The following SMIM13 variants were observed in gnomAD, a reference collection of about 807,000 sequenced individuals.
The protein encoded by SMIM13 is UPF0766 protein C6orf228.
A neutral mutation model predicts 5.9 loss-of-function variants in SMIM13; 3 were observed. That is an observed-to-expected ratio of 0.51 (90% CI 0.23 to 1.31). SMIM13 has a LOEUF of 1.31. SMIM13 is among the 40% of genes most tolerant of loss of function. The pLI, the probability that SMIM13 is intolerant of heterozygous loss-of-function variation, is 0.18. For missense variants in SMIM13, 85 were observed against 109.9 expected (o/e 0.77, Z 1.01); for synonymous variants, 55 against 46.0 (o/e 1.19, Z -0.79).
intron 1 of SMIM13, among the ~76,000 whole-genome samples, chr6:11,106,364 C>T (rs987341784): frequency 6.6e-6 from 1 of 152,238 alleles, no homozygotes; most frequent in Admixed American, 6.5e-5. Flanking sequence ...ATTGGACTTA[C>T]TGATGGAGAG....
rs146973700 is a variant in SMIM13 at position 11,125,693 on chromosome 6, C to T, written c.77-8710C>T. On this transcript the variant is annotated intron_variant, in intron 1 of 1. Coordinates refer to ENST00000416247, the MANE Select transcript of SMIM13 (RefSeq NM_001135575.2). ...AAGGTTTCCACTGAGAGATTGATTG[C>T]CAGACATGTTCAAGCTTTTGAGTAT... Among the ~76,000 whole-genome samples the T allele has an allele frequency of 3.3e-4, 50 of 152,312 alleles. No individual in the cohort carries two copies. In the East Asian group the frequency reaches 9.1e-3, roughly 28 times the overall value.
At chr6:11,133,823 T>C (rs562528199) in intron 1 of SMIM13, among the ~76,000 whole-genome samples, 1 of 152,218 alleles carries the variant, frequency 6.6e-6, no homozygotes, top group South Asian at 2.1e-4. Flanking sequence ...ATCTGTGTTT[T>C]AAACATCTTG....
chr6:11,104,826 G>A, intron 1 of SMIM13: 1 of 1,614,226 alleles, frequency 6.2e-7, no homozygotes, highest in Non-Finnish European at 8.5e-7. Flanking sequence ...TTGGTTGTGG[G>A]TGTATGTTTG....
chr6:11,113,970 C>CTTTT (rs558822118), intron 1 of SMIM13, among the ~76,000 whole-genome samples: 1 of 144,308 alleles, frequency 6.9e-6, no homozygotes, highest in Non-Finnish European at 1.5e-5. Flanking sequence ...TAAAGTTATT[C>CTTTT]TTTTTGTTTT....
intron 1 of SMIM13, among the ~76,000 whole-genome samples, chr6:11,101,118 T>A (rs1304440275): frequency 6.6e-6 from 1 of 152,184 alleles, no homozygotes; most frequent in African/African-American, 2.4e-5. Flanking sequence ...TTTATCTTTT[T>A]ATCTCCTAAT....
chr6:11,118,528 C>T (rs920713514), intron 1 of SMIM13, among the ~76,000 whole-genome samples: 3 of 152,280 alleles, frequency 2.0e-5, no homozygotes, highest in South Asian at 4.1e-4. Context: ...TTAAACCATA[C>T]GTTTCGTTTC....
At chr6:11,114,142 G>A (rs959543409) in intron 1 of SMIM13, among the ~76,000 whole-genome samples, 1 of 151,428 alleles carries the variant, frequency 6.6e-6, no homozygotes, top group Non-Finnish European at 1.5e-5. Context: ...ACCACGCCTG[G>A]CTGATTTTTG....
intron 1 of SMIM13, among the ~76,000 whole-genome samples, chr6:11,100,978 A>T (rs1581909804): frequency 1.4e-5 from 2 of 138,354 alleles, no homozygotes; most frequent in Non-Finnish European, 3.1e-5. Flanking sequence ...TTTTTTCCTC[A>T]TTTGTGGAGA....
chr6:11,104,861 A>G (rs144698959), intron 1 of SMIM13: 2 of 1,614,124 alleles, frequency 1.2e-6, no homozygotes, highest in Non-Finnish European at 8.5e-7. Flanking sequence ...TAGAATCTAC[A>G]GTGAAAGTAA....
At chr6:11,104,524 CTAT>C (rs1758052953) in intron 1 of SMIM13, 1 of 1,570,604 alleles carries the variant, frequency 6.4e-7, no homozygotes, top group African/African-American at 1.4e-5. Context: ...TAGCTGGTGG[CTAT>C]AGTCATGCCT....
At chr6:11,115,353 G>T (rs1463272506) in intron 1 of SMIM13, among the ~76,000 whole-genome samples, 1 of 152,170 alleles carries the variant, frequency 6.6e-6, no homozygotes, top group African/African-American at 2.4e-5. Flanking sequence ...TGGCCTGGCT[G>T]CGTTCCTTTC....
intron 1 of SMIM13, among the ~76,000 whole-genome samples, chr6:11,098,029 C>T (rs1006181489): frequency 2.6e-5 from 4 of 152,114 alleles, no homozygotes; most frequent in Non-Finnish European, 5.9e-5. Context: ...AGGCTCTGCT[C>T]TTTGGGCTGG....
At chr6:11,111,527 G>C (rs1023691078) in intron 1 of SMIM13, 3 of 152,804 alleles carry the variant, frequency 2.0e-5, no homozygotes, top group African/African-American at 4.8e-5. Flanking sequence ...GGTGAGCAGA[G>C]AGAGCAGCCA....
At chr6:11,114,391 G>A (rs1051636721) in intron 1 of SMIM13, among the ~76,000 whole-genome samples, 2 of 152,068 alleles carry the variant, frequency 1.3e-5, no homozygotes, top group Non-Finnish European at 2.9e-5. Context: ...TGATCTTTTG[G>A]AGTGAAATAT....
chr6:11,124,314 A>G (rs1758348505), intron 1 of SMIM13, among the ~76,000 whole-genome samples: 1 of 152,220 alleles, frequency 6.6e-6, no homozygotes, highest in African/African-American at 2.4e-5. Context: ...TGTTATTGCA[A>G]GTGACAGGAT....
chr6:11,121,010 G>A (rs549821455), intron 1 of SMIM13, among the ~76,000 whole-genome samples: 4 of 152,190 alleles, frequency 2.6e-5, no homozygotes, highest in Non-Finnish European at 5.9e-5. Flanking sequence ...ACAATTTACA[G>A]TGTGTTTCAT....
At chr6:11,097,955 C>G (rs747395827) in intron 1 of SMIM13, among the ~76,000 whole-genome samples, 1 of 152,112 alleles carries the variant, frequency 6.6e-6, no homozygotes, top group Admixed American at 6.5e-5. Context: ...GCCGCCCCCC[C>G]ACCCAATTTC....
chr6:11,094,447 G>GTTTTT, intron 1 of SMIM13, 58 bp downstream of exon 1: 1 of 1,273,736 alleles, frequency 7.9e-7, no homozygotes, highest in Non-Finnish European at 1.1e-6. Flanking sequence ...GATCTGCTGG[G>GTTTTT]GTTTTTTTTG....
chr6:11,109,403 CT>C (rs1334560548), intron 1 of SMIM13, among the ~76,000 whole-genome samples: 2 of 152,100 alleles, frequency 1.3e-5, no homozygotes. Context: ...GAGGATGGCC[CT>C]GGGTAGGGAG....
Sources: gnomAD v4.1 joint callset for allele counts (sites outside exome capture counted in the v4.1 genomes callset) on GRCh38, gnomAD v4.1.1 for gene constraint, MANE v1.5 for transcripts, NCBI Gene and HGNC (gene_info 2026-07-23, HGNC 2026-07-21) for gene names.